The following JAZF1 variants were observed in gnomAD, a reference collection of about 807,000 sequenced individuals.
The protein encoded by JAZF1 is JAZF zinc finger 1.
Under a neutral mutation model 26.4 loss-of-function variants are expected in JAZF1, and 8 were observed. The observed-to-expected ratio is 0.30, with a 90% CI of 0.18 to 0.55. JAZF1 has a LOEUF of 0.55. JAZF1 is among the 20% of genes least tolerant of loss of function. The probability of loss-of-function intolerance (pLI) is 0.94; values close to 1 mark genes in which losing one functional copy is unlikely to be tolerated. For synonymous variants in JAZF1, 126 were observed against 122.3 expected, an observed-to-expected ratio of 1.03 and a Z score of -0.20; for missense variants, 199 against 322.0, an observed-to-expected ratio of 0.62 and a Z score of 2.92.
intron 2 of JAZF1, among the ~76,000 whole-genome samples, chr7:27,915,478 C>A (rs1314381768): frequency 6.6e-6 from 1 of 152,128 alleles, no homozygotes; most frequent in Non-Finnish European, 1.5e-5. Context: ...TGATCGCTAG[C>A]ACTTTTTAAA....
At chr7:27,852,185 G>A (rs1217007764) in intron 3 of JAZF1, among the ~76,000 whole-genome samples, 6 of 150,442 alleles carry the variant, frequency 4.0e-5, no homozygotes, top group Non-Finnish European at 2.9e-5. Flanking sequence ...AGGCTGGAGT[G>A]CAGTGGAGCG....
At chr7:27,914,799 C>G (rs1313663957) in intron 2 of JAZF1, 1 of 471,062 alleles carries the variant, frequency 2.1e-6, no homozygotes, top group African/African-American at 2.0e-5. Context: ...CCATCTGATG[C>G]CCAATGTCCC....
intron 1 of JAZF1, among the ~76,000 whole-genome samples, chr7:28,140,225 G>C (rs796247924): frequency 8.6e-5 from 13 of 151,998 alleles, no homozygotes; most frequent in African/African-American, 3.1e-4. Context: ...TGGGATTACA[G>C]GCGCCCACTA....
chr7:27,919,574 C>T lies in JAZF1; in HGVS notation c.189-24158G>A, dbSNP rs1243419724. Among the ~76,000 whole-genome samples the T allele has an allele frequency of 3.3e-5, 5 of 152,030 alleles. No individual in the cohort carries two copies. The East Asian group carries it at 5.8e-4, about 18-fold the overall frequency. ...AGAACAAGCATGAGGATGCATTTTACGATGATAAGGTAGCAACAGGAAATA... is the reference window on the plus strand; with the variant it reads ...AGAACAAGCATGAGGATGCATTTTATGATGATAAGGTAGCAACAGGAAATA... On this transcript the variant is annotated intron_variant, in intron 2 of 4. Coordinates refer to ENST00000283928, the MANE Select transcript of JAZF1 (RefSeq NM_175061.4).
chr7:28,019,104 C>T (rs1782952406), intron 1 of JAZF1, among the ~76,000 whole-genome samples: 1 of 152,190 alleles, frequency 6.6e-6, no homozygotes. Context: ...TTTATCCTTG[C>T]CAAGTTCTTC....
chr7:28,021,542 G>A (rs1212764829), intron 1 of JAZF1, among the ~76,000 whole-genome samples: 1 of 152,228 alleles, frequency 6.6e-6, no homozygotes, highest in Non-Finnish European at 1.5e-5. Context: ...CAGGAGTGCA[G>A]TGACGGGCAG....
At chr7:27,878,767 G>A (rs1331993332) in intron 3 of JAZF1, among the ~76,000 whole-genome samples, 2 of 152,182 alleles carry the variant, frequency 1.3e-5, no homozygotes, top group Non-Finnish European at 1.5e-5. Flanking sequence ...GTGGAATAGG[G>A]AATGGAGTCA....
intron 1 of JAZF1, among the ~76,000 whole-genome samples, chr7:28,008,917 A>G (rs930833306): frequency 6.6e-6 from 1 of 152,234 alleles, no homozygotes. Flanking sequence ...AAGCCTTTCA[A>G]TTTATAAAAC....
intron 1 of JAZF1, among the ~76,000 whole-genome samples, chr7:28,046,917 G>A (rs1783506700): frequency 1.3e-5 from 2 of 151,826 alleles, no homozygotes; most frequent in Middle Eastern, 3.2e-3. Flanking sequence ...CTCCCAGTTG[G>A]CCCTCCATAT....
intron 1 of JAZF1, among the ~76,000 whole-genome samples, chr7:28,121,363 C>G (rs998646232): frequency 6.6e-6 from 1 of 152,140 alleles, no homozygotes; most frequent in African/African-American, 2.4e-5. Context: ...TTAAAAGGAT[C>G]TACAAGCGCA....
chr7:27,965,879 A>G (rs1174993861), intron 2 of JAZF1, among the ~76,000 whole-genome samples: 2 of 152,220 alleles, frequency 1.3e-5, no homozygotes, highest in African/African-American at 4.8e-5. Flanking sequence ...TGCAGGGTAT[A>G]GAGATACGAC....
At chr7:27,851,005 C>T (rs576967535) in intron 3 of JAZF1, among the ~76,000 whole-genome samples, 26 of 152,180 alleles carry the variant, frequency 1.7e-4, no homozygotes, top group Admixed American at 1.5e-3. Flanking sequence ...TGCAATGGCA[C>T]GATCTTGGCT....
At chr7:28,168,502 G>A (rs1160998273) in intron 1 of JAZF1, among the ~76,000 whole-genome samples, 1 of 151,916 alleles carries the variant, frequency 6.6e-6, no homozygotes, top group Non-Finnish European at 1.5e-5. Context: ...ACTCCAACAT[G>A]GCAACACTGG....
chr7:27,935,413 C>A (rs1016149962), intron 2 of JAZF1, among the ~76,000 whole-genome samples: 7 of 152,076 alleles, frequency 4.6e-5, no homozygotes, highest in Admixed American at 2.6e-4. Context: ...ATGGATGAAC[C>A]CTGAAAATGT....
chr7:27,999,470 G>A (rs530405644), intron 1 of JAZF1, among the ~76,000 whole-genome samples: 6 of 152,154 alleles, frequency 3.9e-5, no homozygotes, highest in Non-Finnish European at 5.9e-5. Context: ...TGAGGCTCTC[G>A]AATTCATCTC....
At chr7:27,834,649 T>G (rs891684030) in intron 4 of JAZF1, among the ~76,000 whole-genome samples, 5 of 152,152 alleles carry the variant, frequency 3.3e-5, no homozygotes, top group African/African-American at 9.7e-5. Flanking sequence ...CACTGAAATG[T>G]TAGATGGGTA....
chr7:27,889,217 G>A (rs1783924807), intron 3 of JAZF1, among the ~76,000 whole-genome samples: 1 of 151,982 alleles, frequency 6.6e-6, no homozygotes, highest in African/African-American at 2.4e-5. Flanking sequence ...CCAGGCAGAG[G>A]TAGATTAAAA....
Position 27,832,947 on chromosome 7 carries a change from C to T in JAZF1, c.585G>A (p.Lys195=), listed in dbSNP as rs1328625574. The change falls in exon 5 of 5, where the codon AAG becomes AAA. Residue 195 remains lysine, a synonymous_variant. Coordinates refer to ENST00000283928, the MANE Select transcript of JAZF1 (RefSeq NM_175061.4). ...CACGAATCTGTGTTCTGTGACCATT[C>T]TTAGCGTGATACTTTATGCCATTCA... ...KNVNGIKYHA[K]NGHRTQIRVR... is the part of the protein sequence containing the mutation. 1 of 1,605,018 alleles carries T rather than the reference C, an allele frequency of 6.2e-7. No individual in the cohort carries two copies. The highest frequency in any genetic ancestry group is 1.1e-5 in the South Asian group (1 of 89,730).
rs115002672 is a variant in JAZF1 at position 27,974,337 on chromosome 7, T to C, written c.188+17572A>G. On this transcript the variant is annotated intron_variant, in intron 2 of 4. Transcript: ENST00000283928. ...AAACTTAGGGAGAGGCCACCGCTTT[T>C]ATGGCAAAGAAGTAGAAGAAGAACC... Among the ~76,000 whole-genome samples, 557 of 152,214 alleles carry C rather than the reference T, an allele frequency of 3.7e-3. 4 individuals carry two copies. The highest frequency in any genetic ancestry group is 0.013 in the African/African-American group (540 of 41,518).
Sources: allele counts gnomAD v4.1 joint callset (sites outside exome capture counted in the v4.1 genomes callset), GRCh38; gene constraint gnomAD v4.1.1; transcripts MANE v1.5; gene names NCBI Gene and HGNC (gene_info 2026-07-23, HGNC 2026-07-21).